The following CSNK2A1 variants were observed in gnomAD, a reference collection of about 807,000 sequenced individuals.
The protein encoded by CSNK2A1 is casein kinase II subunit alpha.
Under a neutral mutation model 62.9 loss-of-function variants are expected in CSNK2A1, and 10 were observed. That is an observed-to-expected ratio of 0.16 (90% CI 0.10 to 0.27). The LOEUF (loss-of-function observed/expected upper bound fraction) is 0.27. Ranked by LOEUF, CSNK2A1 falls within the 10% of genes least tolerant of loss-of-function variation. CSNK2A1 has a pLI of 1.00. For synonymous variants in CSNK2A1, 124 were observed against 167.8 expected (o/e 0.74, Z 2.02); for missense variants, 160 against 492.0 (o/e 0.33, Z 6.38).
intron 10 of CSNK2A1, chr20:489,533 G>GT (rs759870461): frequency 9.4e-6 from 4 of 427,126 alleles, no homozygotes; most frequent in Non-Finnish European, 1.7e-5. Context: ...GAATTCTAAG[G>GT]TAATGTCCTA....
chr20:525,467 A>G (rs1474226440), intron 2 of CSNK2A1, among the ~76,000 whole-genome samples: 3 of 151,752 alleles, frequency 2.0e-5, no homozygotes, highest in Non-Finnish European at 4.4e-5. Context: ...CCTGGCTAAC[A>G]TGGTGAAACC....
intron 10 of CSNK2A1, chr20:489,015 A>C: frequency 2.8e-6 from 1 of 362,584 alleles, no homozygotes; most frequent in Non-Finnish European, 5.0e-6. Context: ...CTCCCCTCAA[A>C]ACCCAATTGA....
chr20:498,059 AC>A, intron 6 of CSNK2A1: 1 of 287,874 alleles, frequency 3.5e-6, no homozygotes, highest in Non-Finnish European at 6.5e-6. Flanking sequence ...ACTGACACCC[AC>A]CTATAATTTA....
Position 543,768 on chromosome 20 carries a change from G to A in CSNK2A1, c.-323C>T, listed in dbSNP as rs1460120525. ...GAGGAGACACACGGCTCGGCCGCCA[G>A]CCGCAGGGACCAGAGCGAGGCTGCA... On this transcript the variant is annotated 5_prime_UTR_variant, in exon 1 of 14. Transcript: ENST00000217244. 2 of 398,478 alleles carry A rather than the reference G, an allele frequency of 5.0e-6. No homozygotes were observed. Among genetic ancestry groups the A allele is most frequent in the Admixed American group, 4.4e-5 (1 of 22,738 alleles). The allele number at this position is 398,478 out of a possible 1,614,324, so 24.7% of individuals were successfully genotyped here.
intron 13 of CSNK2A1, among the ~76,000 whole-genome samples, chr20:485,090 A>T (rs2018049160): frequency 2.0e-4 from 9 of 44,264 alleles, no homozygotes; most frequent in African/African-American, 7.4e-4. Context: ...AAAAAAAAAA[A>T]AAAAAAAAAA....
Position 489,786 on chromosome 20 carries a change from A to G in CSNK2A1, c.717T>C (p.Tyr239=), listed in dbSNP as rs2018178255. 1.9e-6 allele frequency: 3 copies of G among 1,613,326 alleles called. No homozygotes were observed. The highest frequency in any genetic ancestry group is 2.5e-6 in the Non-Finnish European group (3 of 1,179,458). The change falls in exon 10 of 14, where the codon TAT becomes TAC. Residue 239 remains tyrosine (Y), a synonymous_variant. Coordinates refer to ENST00000217244, the MANE Select transcript of CSNK2A1 (RefSeq NM_177559.3). The part of the protein sequence containing the change: ...KEPFFHGHDN[Y]DQLVRIAKVL... The stretch of plus-strand genomic sequence containing the variant: ...TGGGTATAACATATATTACCTGATC[A>G]TAATTGTCATGTCCATGGAAAAATG...
chr20:491,288 G>C (rs1403479563), intron 9 of CSNK2A1, among the ~76,000 whole-genome samples: 3 of 152,148 alleles, frequency 2.0e-5, no homozygotes, highest in Non-Finnish European at 2.9e-5. Context: ...GGCTTTTTGG[G>C]GGAGCTGGGG....
intron 1 of CSNK2A1, among the ~76,000 whole-genome samples, chr20:542,725 C>T (rs1318777623): frequency 6.6e-6 from 1 of 152,248 alleles, no homozygotes; most frequent in Non-Finnish European, 1.5e-5. Context: ...GCCACACGCC[C>T]GGCCTCTCTT....
At chr20:501,537 AAATT>A (rs1160257050) in intron 4 of CSNK2A1, 6 of 152,208 alleles carry the variant, frequency 3.9e-5, no homozygotes, top group African/African-American at 1.2e-4. Context: ...ATCAATATAA[AAATT>A]ATTAATCTAT....
intron 1 of CSNK2A1, among the ~76,000 whole-genome samples, chr20:532,000 T>C (rs2019222324): frequency 6.6e-6 from 1 of 152,226 alleles, no homozygotes; most frequent in Non-Finnish European, 1.5e-5. Flanking sequence ...CTTTGAATCA[T>C]GTGTCCAAAG....
chr20:512,535 G>A (rs1331020164), intron 2 of CSNK2A1, among the ~76,000 whole-genome samples: 2 of 152,060 alleles, frequency 1.3e-5, no homozygotes, highest in African/African-American at 2.4e-5. Context: ...CCATGGTGTC[G>A]GCAGCTAAAG....
chr20:505,788 C>T (rs1178934345), intron 3 of CSNK2A1: 1 of 151,332 alleles, frequency 6.6e-6, no homozygotes, highest in Non-Finnish European at 1.5e-5. Context: ...TTTATTGGCA[C>T]ATGACATGGA....
At chr20:489,531 A>G (rs1194130901) in intron 10 of CSNK2A1, 1 of 422,728 alleles carries the variant, frequency 2.4e-6, no homozygotes, top group Non-Finnish European at 4.2e-6. Context: ...GAGAATTCTA[A>G]GGTAATGTCC....
chr20:505,563 C>A (rs1254108805), intron 3 of CSNK2A1, among the ~76,000 whole-genome samples: 1 of 151,504 alleles, frequency 6.6e-6, no homozygotes, highest in Admixed American at 6.6e-5. Flanking sequence ...GGGTCCTCAC[C>A]GTGTTAACCA....
At chr20:542,527 G>C (rs1045202289) in intron 1 of CSNK2A1, among the ~76,000 whole-genome samples, 19 of 152,176 alleles carry the variant, frequency 1.2e-4, no homozygotes, top group Admixed American at 1.2e-3. Flanking sequence ...CCGCCTCCCA[G>C]GTTCAAGCGA....
chr20:511,830 ATC>A (rs1302341758), intron 2 of CSNK2A1, among the ~76,000 whole-genome samples: 1 of 152,162 alleles, frequency 6.6e-6, no homozygotes, highest in Non-Finnish European at 1.5e-5. Context: ...GTGTACAAAC[ATC>A]TGTTTGAGAC....
At chr20:487,715 G>A (rs1309452610) in intron 11 of CSNK2A1, 140 bp from the exon 12 acceptor site, 14 of 1,119,360 alleles carry the variant, frequency 1.3e-5, no homozygotes, top group African/African-American at 6.2e-5. Flanking sequence ...GTCTTGCACC[G>A]CTCTGCCACT....
chr20:511,321 C>T (rs866792644), intron 2 of CSNK2A1, among the ~76,000 whole-genome samples: 1 of 152,068 alleles, frequency 6.6e-6, no homozygotes. Context: ...GCCTGGGTGA[C>T]AGGAGAGAGA....
At chr20:528,073 G>A (rs922839568) in intron 1 of CSNK2A1, 24 bp from the exon 2 acceptor site, 4 of 152,226 alleles carry the variant, frequency 2.6e-5, no homozygotes, top group South Asian at 2.1e-4. Flanking sequence ...TCAGTACTCC[G>A]TTACTGAAAG....
Sources: gnomAD v4.1 joint callset for allele counts (sites outside exome capture counted in the v4.1 genomes callset) on GRCh38, gnomAD v4.1.1 for gene constraint, MANE v1.5 for transcripts, NCBI Gene and HGNC (gene_info 2026-07-23, HGNC 2026-07-21) for gene names.